The following ACTN2 variants were observed in gnomAD, a reference collection of about 807,000 sequenced individuals.
The protein encoded by ACTN2 is actinin alpha 2.
A neutral mutation model predicts 113.8 loss-of-function variants in ACTN2; 39 were observed. The ratio of observed to expected loss-of-function variants is 0.34; its 90% CI spans 0.27 to 0.45. The LOEUF is 0.45. ACTN2 is among the 20% of genes least tolerant of loss of function. ACTN2 has a pLI of 1.00. For missense variants in ACTN2, 992 were observed against 1,177.9 expected (o/e 0.84, Z 2.31); for synonymous variants, 429 against 444.1 (o/e 0.97, Z 0.43).
At chr1:236,738,830 C>T (rs1431299571) in intron 9 of ACTN2, among the ~76,000 whole-genome samples, 1 of 152,186 alleles carries the variant, frequency 6.6e-6, no homozygotes. Context: ...CCCAGGCTTA[C>T]AATACAGTTG....
At chr1:236,732,315 C>A (rs1431015598) in intron 7 of ACTN2, among the ~76,000 whole-genome samples, 1 of 152,230 alleles carries the variant, frequency 6.6e-6, no homozygotes, top group Admixed American at 6.5e-5. Context: ...CTCGCCTCTT[C>A]CAGCTTCTAG....
chr1:236,753,855 A>ACCCCCCCC, intron 15 of ACTN2, 92 bp from the exon 16 acceptor site: 1 of 492,256 alleles, frequency 2.0e-6, no homozygotes, highest in Non-Finnish European at 3.1e-6. Context: ...CTCCACTCCC[A>ACCCCCCCC]CCCCCACCCC....
In ACTN2 at chr1:236,761,132, G is replaced by A. The variant is rs770335717; in HGVS notation, c.2485G>A (p.Glu829Lys). Reference protein sequence around the residue: ...TRETADTDTAEQVIASFRILA... With the variant: ...TRETADTDTAKQVIASFRILA... ...AGAGACGGCTGACACCGACACTGCC[G>A]AGCAGGTCATCGCCTCCTTCCGGAT... Residue 829 changes from glutamate (E) to lysine (K), a missense_variant, in exon 20 of 21, where the codon GAG (glutamate) becomes AAG (lysine). Transcript: ENST00000366578. The A allele has an allele frequency of 3.7e-6, 6 of 1,614,110 alleles. No homozygotes were observed. The highest frequency in any genetic ancestry group is 3.3e-5 in the South Asian group (3 of 91,056).
chr1:236,730,330 G>A (rs763553596), intron 6 of ACTN2, among the ~76,000 whole-genome samples: 5 of 149,774 alleles, frequency 3.3e-5, no homozygotes, highest in South Asian at 4.2e-4. Context: ...AGCTGACTTT[G>A]GTTTCTTCAT....
chr1:236,739,298 G>C lies in ACTN2; in HGVS notation c.877-4G>C. ...TCAGCAGTATTTTTGTGTTTGCGGA[G>C]CAGCTTTTGGAATGGATTCGTCGCA... On this transcript the variant is annotated splice_polypyrimidine_tract_variant and splice_region_variant and intron_variant, in intron 9 of 20. Coordinates refer to ENST00000366578, the MANE Select transcript of ACTN2 (RefSeq NM_001103.4). The C allele has an allele frequency of 6.2e-7, 1 of 1,613,908 alleles. No homozygotes were observed. Among genetic ancestry groups the C allele is most frequent in the Non-Finnish European group, 8.5e-7 (1 of 1,179,960 alleles).
intron 13 of ACTN2, 75 bp downstream of exon 13, chr1:236,747,850 G>A (rs757981931): frequency 1.4e-5 from 16 of 1,163,906 alleles, no homozygotes; most frequent in Admixed American, 2.0e-5. Flanking sequence ...GGTATTCATT[G>A]TGTGTTTCTC....
At chr1:236,746,380 A>T (rs576408061) in intron 12 of ACTN2, among the ~76,000 whole-genome samples, 3 of 152,212 alleles carry the variant, frequency 2.0e-5, no homozygotes, top group African/African-American at 7.2e-5. Flanking sequence ...CAAACTTGTT[A>T]TCCCTGGAGG....
intron 9 of ACTN2, among the ~76,000 whole-genome samples, chr1:236,737,564 G>C (rs1422201441): frequency 6.9e-6 from 1 of 144,376 alleles, no homozygotes; most frequent in African/African-American, 2.5e-5. Context: ...TTTTTTTCCT[G>C]TTCACTGGCT....
chr1:236,761,786 G>T (rs1659716259), intron 20 of ACTN2, among the ~76,000 whole-genome samples: 1 of 152,082 alleles, frequency 6.6e-6, no homozygotes, highest in African/African-American at 2.4e-5. Context: ...CTGTTTTCTG[G>T]CTGAGAGGAT....
chr1:236,720,298 T>G (rs556789910), intron 4 of ACTN2, 107 bp downstream of exon 4: 1 of 899,018 alleles, frequency 1.1e-6, no homozygotes, highest in African/African-American at 1.6e-5. Flanking sequence ...CATGATTGAA[T>G]GAGAGACATG....
In ACTN2 at chr1:236,754,179, CCACT is replaced by C; in HGVS notation, c.1974+101_1974+104del. 3.3e-6 allele frequency: 5 copies of C among 1,522,760 alleles called. No individual in the cohort carries two copies. Among genetic ancestry groups the C allele is most frequent in the Non-Finnish European group, 4.5e-6 (5 of 1,113,044 alleles). The allele number at this position is 1,522,760 out of a possible 1,614,324, so 94.3% of individuals were successfully genotyped here. A position where few individuals can be genotyped will look rare whatever the true frequency, so the allele number is the denominator to read the frequency against. On this transcript the variant is annotated intron_variant, in intron 16 of 20. Transcript: ENST00000366578. The surrounding 1 kb of genome is among the most constrained non-coding windows in gnomAD (Gnocchi z 4.9). ...CGCACATGCTGTGGTTTCCAGCCAC[CCACT>C]CAGTCAGGTGGGAGCACCGTTCTGT...
chr1:236,720,552 GT>G (rs755658183), intron 4 of ACTN2, among the ~76,000 whole-genome samples: 29 of 152,204 alleles, frequency 1.9e-4, no homozygotes, highest in Non-Finnish European at 3.2e-4. Context: ...AAAAGAATCT[GT>G]TGCAACCCAT....
Position 236,754,890 on chromosome 1 carries a change from G to C in ACTN2, c.1975-129G>C, listed in dbSNP as rs1572146138. 9.4e-7 allele frequency: 1 copy of C among 1,061,212 alleles called. No individual in the cohort carries two copies. Among genetic ancestry groups the C allele is most frequent in the Admixed American group, 1.7e-5 (1 of 57,960 alleles). 65.7% of individuals were successfully genotyped at this position (1,061,212 alleles called of 1,614,324 possible). On this transcript the variant is annotated intron_variant, in intron 16 of 20. Coordinates refer to ENST00000366578, the MANE Select transcript of ACTN2 (RefSeq NM_001103.4). The surrounding 1 kb of genome is among the most constrained non-coding windows in gnomAD (Gnocchi z 4.9). Reference sequence around the variant, plus strand: ...ACTTCCTCTGAGAAAAGTGAACCGAGTGACACTGGCCGCTGCCTGACGCTG... The same window carrying C: ...ACTTCCTCTGAGAAAAGTGAACCGACTGACACTGGCCGCTGCCTGACGCTG...
intron 20 of ACTN2, among the ~76,000 whole-genome samples, chr1:236,761,665 C>A (rs567265295): frequency 5.9e-5 from 9 of 152,230 alleles, no homozygotes; most frequent in African/African-American, 1.7e-4. Context: ...TACATGTAGC[C>A]TAGACCTTCA....
At chr1:236,700,133 C>T (rs957522672) in intron 1 of ACTN2, among the ~76,000 whole-genome samples, 1 of 152,134 alleles carries the variant, frequency 6.6e-6, no homozygotes, top group Non-Finnish European at 1.5e-5. Flanking sequence ...GAAAGATTCC[C>T]AAGACCTGCC....
At chr1:236,700,175 T>C (rs1657631629) in intron 1 of ACTN2, among the ~76,000 whole-genome samples, 1 of 152,190 alleles carries the variant, frequency 6.6e-6, no homozygotes, top group Non-Finnish European at 1.5e-5. Flanking sequence ...TTTATTTTAT[T>C]ATTTTATTTT....
chr1:236,762,892 C>A lies in ACTN2; in HGVS notation c.*273C>A, dbSNP rs867559064. 6 of 441,692 alleles carry A rather than the reference C, an allele frequency of 1.4e-5. No homozygotes were observed. The highest frequency in any genetic ancestry group is 6.5e-5 in the South Asian group (3 of 45,992). The allele number at this position is 441,692 out of a possible 1,614,324, so 27.4% of individuals were successfully genotyped here. A position where few individuals can be genotyped will look rare whatever the true frequency, so the allele number is the denominator to read the frequency against. ...GGTTGATTTCTTTGATTAAACAGAA[C>A]AAATTACTTGAGTAATAGGAAATTA... On this transcript the variant is annotated 3_prime_UTR_variant, in exon 21 of 21. Coordinates refer to ENST00000366578, the MANE Select transcript of ACTN2 (RefSeq NM_001103.4).
chr1:236,724,179 C>T (rs1449779487), intron 4 of ACTN2, among the ~76,000 whole-genome samples: 3 of 113,398 alleles, frequency 2.6e-5, no homozygotes, highest in East Asian at 2.8e-4. Flanking sequence ...ATGTGCCGCA[C>T]GTGGTGGGTG....
At chr1:236,762,050 T>C (rs1168787035) in intron 20 of ACTN2, among the ~76,000 whole-genome samples, 1 of 152,240 alleles carries the variant, frequency 6.6e-6, no homozygotes. Context: ...ATATAAATTA[T>C]AATGTGATAT....
Sources: allele counts gnomAD v4.1 joint callset (sites outside exome capture counted in the v4.1 genomes callset), GRCh38; gene constraint gnomAD v4.1.1; non-coding constraint Gnocchi (gnomAD v3.1); transcripts MANE v1.5; gene names NCBI Gene and HGNC (gene_info 2026-07-23, HGNC 2026-07-21).